Variants in ARRDC2 observed in about 807,000 individuals in gnomAD.
The protein encoded by ARRDC2 is arrestin domain-containing protein 2.
Under a neutral mutation model 38.9 loss-of-function variants are expected in ARRDC2, and 39 were observed. The observed-to-expected ratio is 1.00, with a 90% CI of 0.78 to 1.31. The LOEUF (loss-of-function observed/expected upper bound fraction) is 1.31, where lower values mean the gene tolerates loss of function less well. Ranked by LOEUF, ARRDC2 falls within the 50% of genes most tolerant of loss-of-function variation. The probability of loss-of-function intolerance (pLI) is 0.00; values close to 1 mark genes in which losing one functional copy is unlikely to be tolerated. For missense variants in ARRDC2, 553 were observed against 588.4 expected, an observed-to-expected ratio of 0.94 and a Z score of 0.62; for synonymous variants, 300 against 261.9, an observed-to-expected ratio of 1.15 and a Z score of -1.41.
intron 2 of ARRDC2, 79 bp downstream of exon 2, chr19:18,008,856 C>T (rs555763184): frequency 1.6e-5 from 26 of 1,594,184 alleles, no homozygotes; most frequent in Non-Finnish European, 2.1e-5. Context: ...GATATCTGGG[C>T]ACCTCTGAGC....
rs768961650 is a variant in ARRDC2 at position 18,008,453 on chromosome 19, G to A, written c.143G>A (p.Arg48Lys). The A allele has an allele frequency of 3.9e-6, 6 of 1,548,948 alleles. No homozygotes were observed. Among genetic ancestry groups the A allele is most frequent in the South Asian group, 3.5e-5 (3 of 86,338 alleles). The change falls in exon 1 of 8, where the codon AGG (arginine) becomes AAG (lysine). Residue 48 changes from arginine (R) to lysine (K), a missense_variant. This residue lies in a region of ARRDC2 where 447 missense variants were observed against 456.6 expected (regional missense o/e 0.98). Coordinates refer to ENST00000222250, the MANE Select transcript of ARRDC2 (RefSeq NM_015683.2). ...LSSAARVGAL[R>K]LRARGRAHVH... is the part of the protein sequence containing the mutation. ...AGCGCCGCGCGTGTGGGTGCCCTGAGGCTGCGCGCGCGGGGCCGCGCCCAC... is the reference window on the plus strand; with the variant it reads ...AGCGCCGCGCGTGTGGGTGCCCTGAAGCTGCGCGCGCGGGGCCGCGCCCAC...
chr19:18,001,843 T>A (rs1333120027), intron 1 of ARRDC2, among the ~76,000 whole-genome samples: 1 of 151,886 alleles, frequency 6.6e-6, no homozygotes, highest in African/African-American at 2.4e-5. Flanking sequence ...CAGGCTGAAG[T>A]GGGAAGATCG....
In ARRDC2 at chr19:18,012,819, A is replaced by T. The variant is rs114918938; in HGVS notation, c.1171-94A>T. The T allele has an allele frequency of 7.0e-4, 937 of 1,347,084 alleles. 6 individuals are homozygous for T. In the African/African-American group the frequency reaches 0.011, roughly 16 times the overall value. 83.4% of individuals were successfully genotyped at this position (1,347,084 alleles called of 1,614,324 possible). On this transcript the variant is annotated intron_variant, in intron 7 of 7. Transcript: ENST00000222250. ...CTCCTGATGGCCTCATCCCTGGTCA[A>T]GGGCGGGAGTTGGGAGATGGCTAGA... is the stretch of plus-strand genomic sequence containing the variant.
In ARRDC2 at chr19:18,008,402, C is replaced by A; in HGVS notation, c.92C>A (p.Ala31Glu). The change falls in exon 1 of 8, where the codon GCG becomes GAG. Residue 31 changes from alanine to glutamate, a missense_variant. Transcript: ENST00000222250. Reference protein sequence around the residue: ...EPVFSGGQAVAGRVLLELSSA... With the variant: ...EPVFSGGQAVEGRVLLELSSA... ...GTGTTTAGCGGCGGCCAGGCCGTGG[C>A]GGGCCGGGTGCTGCTGGAGCTGTCA... 1 of 1,594,550 alleles carries A rather than the reference C, an allele frequency of 6.3e-7. No homozygotes were observed. The highest frequency in any genetic ancestry group is 2.2e-5 in the East Asian group (1 of 44,502).
At position 18,008,795 on chromosome 19, in the gene ARRDC2, C is replaced by T. The variant is rs1212933516; in HGVS notation, c.341+18C>T. ...CTGCCCCCGTAAGTCCTCTGGGGTG[C>T]AGGGTTGCCCTAAGCCTGCAGCCCC... On this transcript the variant is annotated intron_variant, in intron 2 of 7. Coordinates refer to ENST00000222250, the MANE Select transcript of ARRDC2 (RefSeq NM_015683.2). The T allele has an allele frequency of 6.2e-7, 1 of 1,612,638 alleles. No homozygotes were observed. The highest frequency in any genetic ancestry group is 8.5e-7 in the Non-Finnish European group (1 of 1,179,844).
chr19:18,009,995 T>A lies in ARRDC2; in HGVS notation c.805T>A (p.Ser269Thr). ...ACTGCGGATCCCCCCAGTGGGTCCT[T>A]CCATCCTGCACTGCCGCGTTCTACA... ...RALRIPPVGP[S>T]ILHCRVLHVD... The change falls in exon 5 of 8, where the codon TCC becomes ACC. Residue 269 changes from serine to threonine, a missense_variant. By Grantham distance (58) the Ser-to-Thr change is moderately conservative (BLOSUM62 1). Transcript: ENST00000222250. 1 of 1,602,232 alleles carries A rather than the reference T, an allele frequency of 6.2e-7. No individual in the cohort carries two copies. The highest frequency in any genetic ancestry group is 8.5e-7 in the Non-Finnish European group (1 of 1,179,736).
rs775678271 is a variant in ARRDC2, at chr19:18,008,308, G to C, written c.-3G>C. 6.3e-7 allele frequency: 1 copy of C among 1,594,926 alleles called. No homozygotes were observed. The highest frequency in any genetic ancestry group is 1.1e-5 in the South Asian group (1 of 90,888). On this transcript the variant is annotated 5_prime_UTR_variant, in exon 1 of 8. Coordinates refer to ENST00000222250, the MANE Select transcript of ARRDC2 (RefSeq NM_015683.2). ...CCTGTCGTGGGTTCGCACCCCGGAC[G>C]CGATGCTATTCGACAAGGTGAAAGC...
At chr19:18,008,115 G>T, upstream of ARRDC2, 1 of 810,030 alleles carries the variant, frequency 1.2e-6, no homozygotes, top group Non-Finnish European at 1.7e-6. Flanking sequence ...AAGAGACGGT[G>T]ACCCCACCCC....
Position 18,008,894 on chromosome 19 carries a change from C to G in ARRDC2, c.342-77C>G, listed in dbSNP as rs146526569. 4.6e-5 allele frequency: 74 copies of G among 1,598,828 alleles called. No homozygotes were observed. The East Asian group carries it at 1.3e-3, about 28-fold the overall frequency. On this transcript the variant is annotated intron_variant, in intron 2 of 7. Transcript: ENST00000222250. ...CAAGACTCTCCCCCTGGGAGGCCCC[C>G]GGAGTGTCTGTGTCTCCTTCTCCCT...
chr19:18,008,461 G>A lies in ARRDC2; in HGVS notation c.151G>A (p.Ala51Thr), dbSNP rs774412489. The A allele has an allele frequency of 2.5e-5, 39 of 1,530,984 alleles. No individual in the cohort carries two copies. In the Admixed American group the frequency reaches 8.1e-4, roughly 32 times the overall value. The allele number at this position is 1,530,984 out of a possible 1,614,324, so 94.8% of individuals were successfully genotyped here. Reference sequence around the variant, plus strand: ...GCGTGTGGGTGCCCTGAGGCTGCGCGCGCGGGGCCGCGCCCACGTGCACTG... The same window carrying A: ...GCGTGTGGGTGCCCTGAGGCTGCGCACGCGGGGCCGCGCCCACGTGCACTG... The part of the protein sequence containing the change: ...AARVGALRLR[A>T]RGRAHVHWTE... The change falls in exon 1 of 8, where the codon GCG becomes ACG. Residue 51 changes from alanine to threonine, a missense_variant. This residue lies in a region of ARRDC2 where 447 missense variants were observed against 456.6 expected (regional missense o/e 0.98). Transcript: ENST00000222250.
rs368342673 is a variant in ARRDC2, at chr19:18,009,867, C to T, written c.677C>T (p.Thr226Met). ...LPRAAVVQTQ[T>M]FMARGARKQK... ...CGGGCAGCCGTGGTGCAGACACAGA[C>T]GTTCATGGCCCGAGGCGCCCGAAAG... Residue 226 changes from threonine to methionine, a missense_variant, in exon 5 of 8, where the codon ACG (threonine) becomes ATG (methionine). Around this residue, in one of 3 missense-constraint regions of ARRDC2, gnomAD observed 447 missense variants for 456.6 expected, o/e 0.98. Coordinates refer to ENST00000222250, the MANE Select transcript of ARRDC2 (RefSeq NM_015683.2). 4.7e-5 allele frequency: 75 copies of T among 1,611,720 alleles called. No homozygotes were observed. Among genetic ancestry groups the T allele is most frequent in the East Asian group, 6.7e-5 (3 of 44,886 alleles).
chr19:18,012,723 G>A (rs1332445440), intron 7 of ARRDC2, among the ~76,000 whole-genome samples, 190 bp from the exon 8 acceptor site: 1 of 152,148 alleles, frequency 6.6e-6, no homozygotes. Flanking sequence ...CCAATCCCCT[G>A]TGGATACCAA....
upstream of ARRDC2, chr19:18,008,133 CCTG>C: frequency 7.7e-7 from 1 of 1,290,780 alleles, no homozygotes. Flanking sequence ...CCCCCCCCGC[CCTG>C]CCGTATAAAA....
In ARRDC2 at chr19:18,009,684, C is replaced by T; in HGVS notation, c.582C>T (p.Gly194=). Residue 194 remains glycine, a synonymous_variant, in exon 4 of 8, where the codon GGC becomes GGT. Transcript: ENST00000222250. ...VSLSAKIDRK[G]YTPGEVIPVF... Reference sequence around the variant, plus strand: ...TTTCGGCCAAGATCGACCGCAAGGGCTACACCCCAGGTAGCAGGCGGACCG... The same window carrying T: ...TTTCGGCCAAGATCGACCGCAAGGGTTACACCCCAGGTAGCAGGCGGACCG... 6.2e-7 allele frequency: 1 copy of T among 1,612,026 alleles called. No homozygotes were observed. Among genetic ancestry groups the T allele is most frequent in the South Asian group, 1.1e-5 (1 of 91,016 alleles).
chr19:18,012,796 C>A (rs1398057533), intron 7 of ARRDC2, 117 bp from the exon 8 acceptor site: 1 of 1,066,008 alleles, frequency 9.4e-7, no homozygotes, highest in African/African-American at 1.6e-5. Flanking sequence ...GACACCACCT[C>A]CTGATGGCCT....
At chr19:18,012,785 A>G in intron 7 of ARRDC2, 128 bp from the exon 8 acceptor site, 1 of 940,676 alleles carries the variant, frequency 1.1e-6, no homozygotes, top group Non-Finnish European at 1.6e-6. Context: ...AGTCTGCCCT[A>G]GACACCACCT....
upstream of ARRDC2, among the ~76,000 whole-genome samples, chr19:18,005,992 C>T (rs1458355364): frequency 1.4e-5 from 2 of 145,856 alleles, no homozygotes; most frequent in Non-Finnish European, 3.0e-5. Flanking sequence ...CCAGACGGGG[C>T]GGCGGGGCAG....
chr19:18,009,709 G>C lies in ARRDC2; in HGVS notation c.592+15G>C, dbSNP rs763390213. On this transcript the variant is annotated intron_variant, in intron 4 of 7. Transcript: ENST00000222250. The stretch of plus-strand genomic sequence containing the variant: ...CTACACCCCAGGTAGCAGGCGGACC[G>C]GACTGGGTTGGGACGGGGGCTGGTG... 9.9e-6 allele frequency: 16 copies of C among 1,612,128 alleles called. No individual in the cohort carries two copies. The highest frequency in any genetic ancestry group is 1.3e-5 in the Non-Finnish European group (15 of 1,179,042).
chr19:18,006,126 G>A (rs1030138040), upstream of ARRDC2, among the ~76,000 whole-genome samples: 31 of 148,974 alleles, frequency 2.1e-4, no homozygotes, highest in Non-Finnish European at 4.2e-4. Flanking sequence ...GGGCAGAGAC[G>A]CTCCTCACTT....
Sources: allele counts gnomAD v4.1 joint callset (sites outside exome capture counted in the v4.1 genomes callset), GRCh38; gene constraint gnomAD v4.1.1; regional missense constraint gnomAD v4.1.1; transcripts MANE v1.5; gene names NCBI Gene and HGNC (gene_info 2026-07-23, HGNC 2026-07-21).